The following PPM1E variants were observed in gnomAD, a reference collection of about 807,000 sequenced individuals.
PPM1E encodes the protein protein phosphatase 1E.
Under a neutral mutation model 65.9 loss-of-function variants are expected in PPM1E, and 20 were observed. That is an observed-to-expected ratio of 0.30 (90% CI 0.21 to 0.44). The LOEUF (loss-of-function observed/expected upper bound fraction) is 0.44, where lower values mean the gene tolerates loss of function less well. Among genes scored for constraint, PPM1E ranks in the 20% least tolerant of loss-of-function variants. PPM1E has a pLI of 1.00. For synonymous variants in PPM1E, 352 were observed against 374.9 expected (o/e 0.94, Z 0.70); for missense variants, 713 against 953.1 (o/e 0.75, Z 3.32).
chr17:58,957,069 G>A (rs2029886568), intron 2 of PPM1E, among the ~76,000 whole-genome samples: 1 of 152,142 alleles, frequency 6.6e-6, no homozygotes, highest in Non-Finnish European at 1.5e-5. Context: ...TGCTACTGAT[G>A]CATAGAGTAA....
intron 1 of PPM1E, among the ~76,000 whole-genome samples, chr17:58,938,150 G>T (rs2052011445): frequency 2.0e-5 from 3 of 152,038 alleles, no homozygotes; most frequent in African/African-American, 4.8e-5. Flanking sequence ...AGCTGCCTTT[G>T]TCCCATCTTT....
intron 1 of PPM1E, among the ~76,000 whole-genome samples, chr17:58,915,145 A>G (rs1178900665): frequency 1.3e-5 from 2 of 152,230 alleles, no homozygotes; most frequent in African/African-American, 2.4e-5. Context: ...AAGCAAGTTT[A>G]TTAAGAAAGT....
chr17:58,843,528 A>G (rs960216531), intron 1 of PPM1E, among the ~76,000 whole-genome samples: 1 of 151,920 alleles, frequency 6.6e-6, no homozygotes, highest in East Asian at 1.9e-4. Flanking sequence ...AAATAAAAAT[A>G]AAACTGTAGA....
At chr17:58,816,763 TATATATATATATATATATATATATATATA>T (rs1318424260) in intron 1 of PPM1E, among the ~76,000 whole-genome samples, 10 of 10,956 alleles carry the variant, frequency 9.1e-4, no homozygotes, top group African/African-American at 2.9e-3. Flanking sequence ...TATATATATA[TATATATATATATATATATATATATATATA>T]TATTTTTTTT....
At chr17:58,804,400 ATGC>A (rs1419095415) in intron 1 of PPM1E, among the ~76,000 whole-genome samples, 2 of 152,230 alleles carry the variant, frequency 1.3e-5, no homozygotes, top group Non-Finnish European at 2.9e-5. Context: ...ATAATGGAAT[ATGC>A]TCTTTTTTTC....
chr17:58,765,877 C>CTTTTT (rs35401844), intron 1 of PPM1E, among the ~76,000 whole-genome samples: 1 of 122,884 alleles, frequency 8.1e-6, no homozygotes, highest in Non-Finnish European at 1.7e-5. Context: ...TTTGTAGTTT[C>CTTTTT]TTTTTTTTTT....
In PPM1E at chr17:58,980,893, T is replaced by C; in HGVS notation, c.2130T>C (p.Ser710=). Residue 710 remains serine, a synonymous_variant, in exon 7 of 7, where the codon AGT becomes AGC. Coordinates refer to ENST00000308249, the MANE Select transcript of PPM1E (RefSeq NM_014906.5). This position sits in a 1 kb window ranked among gnomAD's most constrained non-coding sequence, Gnocchi z 4.7. ...IGTSLSSLTG[S]GKRNRIRSSL... ...CTAGCCTGTCCTCACTTACTGGAAG[T>C]GGGAAGAGAAATAGGATAAGAAGTT... is the stretch of plus-strand genomic sequence containing the variant. 2 of 1,614,132 alleles carry C rather than the reference T, an allele frequency of 1.2e-6. No individual in the cohort carries two copies. The highest frequency in any genetic ancestry group is 1.7e-6 in the Non-Finnish European group (2 of 1,180,002).
At chr17:58,864,184 C>T (rs527920993) in intron 1 of PPM1E, among the ~76,000 whole-genome samples, 1 of 152,040 alleles carries the variant, frequency 6.6e-6, no homozygotes, top group Non-Finnish European at 1.5e-5. Context: ...CCATACCACT[C>T]CAAAGTCATG....
At chr17:58,919,514 G>A (rs1029010529) in intron 1 of PPM1E, among the ~76,000 whole-genome samples, 15 of 152,158 alleles carry the variant, frequency 9.9e-5, no homozygotes, top group African/African-American at 3.4e-4. Context: ...GGCTGGGCAC[G>A]GTGGCTCACA....
At chr17:58,977,494 T>C (rs1420267452) in intron 6 of PPM1E, among the ~76,000 whole-genome samples, 5 of 150,926 alleles carry the variant, frequency 3.3e-5, no homozygotes, top group Non-Finnish European at 7.4e-5. Context: ...AGCCTAGATA[T>C]GAGTAAGATG....
chr17:58,973,371 C>T (rs958833600), intron 6 of PPM1E, among the ~76,000 whole-genome samples: 1 of 149,810 alleles, frequency 6.7e-6, no homozygotes, highest in African/African-American at 2.5e-5. Flanking sequence ...TAGTGGAGAT[C>T]GCGCCATTGC....
intron 1 of PPM1E, among the ~76,000 whole-genome samples, chr17:58,901,842 G>A (rs1015933265): frequency 6.6e-6 from 1 of 152,066 alleles, no homozygotes; most frequent in South Asian, 2.1e-4. Flanking sequence ...CAGGCGTAGT[G>A]GTACATGCCT....
At chr17:58,936,863 T>C (rs969411758) in intron 1 of PPM1E, among the ~76,000 whole-genome samples, 5 of 152,242 alleles carry the variant, frequency 3.3e-5, no homozygotes, top group Admixed American at 3.3e-4. Context: ...TGGTTCCTGC[T>C]TTATAACAAG....
chr17:58,779,118 G>T (rs1056905189), intron 1 of PPM1E, among the ~76,000 whole-genome samples: 1 of 150,630 alleles, frequency 6.6e-6, no homozygotes, highest in Non-Finnish European at 1.5e-5. Flanking sequence ...AAGGCCACAT[G>T]TACATATTTA....
At chr17:58,759,711 C>T (rs1433665785) in intron 1 of PPM1E, among the ~76,000 whole-genome samples, 2 of 152,152 alleles carry the variant, frequency 1.3e-5, no homozygotes, top group African/African-American at 4.8e-5. Flanking sequence ...ACCAATATCC[C>T]AAGAGTCTGG....
intron 1 of PPM1E, among the ~76,000 whole-genome samples, chr17:58,791,693 G>A (rs2050159107): frequency 6.6e-6 from 1 of 152,228 alleles, no homozygotes; most frequent in South Asian, 2.1e-4. Context: ...CCTGCCAGAG[G>A]TTATAGGTGA....
intron 1 of PPM1E, among the ~76,000 whole-genome samples, chr17:58,954,782 G>A (rs1371597561): frequency 6.6e-6 from 1 of 150,864 alleles, no homozygotes; most frequent in Admixed American, 6.7e-5. Flanking sequence ...GGAGGCTGAG[G>A]CATGAGAAAA....
In PPM1E at chr17:58,909,931, T is replaced by C. The variant is rs865889431; in HGVS notation, c.465-45718T>C. Among the ~76,000 whole-genome samples, 673 of 138,706 alleles carry C rather than the reference T, an allele frequency of 4.9e-3. 11 individuals carry two copies. Among genetic ancestry groups the C allele is most frequent in the African/African-American group, 0.017 (627 of 37,462 alleles). 91.0% of individuals were successfully genotyped at this position (138,706 alleles called of 152,430 possible). A position where few individuals can be genotyped will look rare whatever the true frequency, so the allele number is the denominator to read the frequency against. On this transcript the variant is annotated intron_variant, in intron 1 of 6. Transcript: ENST00000308249. ...TCTTTCTTTTTTCTTTTTCTTTTTT[T>C]TTTTTTTTTTTTTGAGACTGGAGTG...
chr17:58,809,077 CA>C (rs2050341274), intron 1 of PPM1E, among the ~76,000 whole-genome samples: 1 of 151,962 alleles, frequency 6.6e-6, no homozygotes, highest in Admixed American at 6.6e-5. Flanking sequence ...GTTTCATTAT[CA>C]CACCTAAAAA....
Sources: allele counts gnomAD v4.1 joint callset (sites outside exome capture counted in the v4.1 genomes callset), GRCh38; gene constraint gnomAD v4.1.1; non-coding constraint Gnocchi (gnomAD v3.1); transcripts MANE v1.5; gene names NCBI Gene and HGNC (gene_info 2026-07-23, HGNC 2026-07-21).